SPESP1: variants seen among roughly 807,000 people sequenced by gnomAD.
SPESP1 encodes equatorial segment protein.
A neutral mutation model predicts 3.1 loss-of-function variants in SPESP1; 1 was observed. That is an observed-to-expected ratio of 0.33 (90% CI 0.12 to 1.54). The LOEUF (loss-of-function observed/expected upper bound fraction) is 1.54, where lower values mean the gene tolerates loss of function less well. Ranked by LOEUF, SPESP1 falls within the 40% of genes most tolerant of loss-of-function variation. The pLI, the probability that SPESP1 is intolerant of heterozygous loss-of-function variation, is 0.38. For synonymous variants in SPESP1, 138 were observed against 150.7 expected, an observed-to-expected ratio of 0.92 and a Z score of 0.62; for missense variants, 398 against 410.1, an observed-to-expected ratio of 0.97 and a Z score of 0.26.
intron 1 of SPESP1, among the ~76,000 whole-genome samples, chr15:68,942,031 C>T: frequency 6.6e-6 from 1 of 152,130 alleles, no homozygotes; most frequent in East Asian, 1.9e-4. Context: ...ACCATGTTTC[C>T]CAGGCTGGTC....
Position 68,930,698 on chromosome 15 carries a change from G to A in SPESP1, c.45G>A (p.Ser15=). The stretch of plus-strand genomic sequence containing the variant: ...TAGTTGCGCTTTTGCTATGGCCTTC[G>A]TCTGTGCCGGCTTATCCGAGTGAGT... The part of the protein sequence containing the change: ...VLLVALLLWP[S]SVPAYPSITV... The change falls in exon 1 of 2, where the codon TCG becomes TCA. Residue 15 remains serine (S), a synonymous_variant. Transcript: ENST00000310673. The A allele has an allele frequency of 6.2e-7, 1 of 1,613,994 alleles. No individual in the cohort carries two copies. The highest frequency in any genetic ancestry group is 8.5e-7 in the Non-Finnish European group (1 of 1,179,882).
chr15:68,939,253 G>T (rs1388680819), intron 1 of SPESP1, among the ~76,000 whole-genome samples: 1 of 152,194 alleles, frequency 6.6e-6, no homozygotes, highest in Admixed American at 6.5e-5. Context: ...ACATTGCCAT[G>T]TTTGCTTTAA....
intron 1 of SPESP1, 57 bp from the exon 2 acceptor site, chr15:68,945,542 G>A: frequency 7.5e-7 from 1 of 1,338,210 alleles, no homozygotes. Context: ...GATTCTGTCA[G>A]TGTGTCATAT....
chr15:68,934,002 CTAAT>C (rs917702528), intron 1 of SPESP1, among the ~76,000 whole-genome samples: 2 of 151,902 alleles, frequency 1.3e-5, no homozygotes, highest in Admixed American at 6.6e-5. Flanking sequence ...GCAGTGCAAA[CTAAT>C]TAAAATTAAA....
intron 1 of SPESP1, among the ~76,000 whole-genome samples, chr15:68,940,528 T>C (rs1044789298): frequency 9.2e-5 from 14 of 152,354 alleles, no homozygotes; most frequent in African/African-American, 3.1e-4. Flanking sequence ...ATGTAACTTA[T>C]TGATATACCT....
Position 68,945,508 on chromosome 15 carries a change from A to T in SPESP1, c.65-91A>T. ...TTTATTTCAATTTTTAAGTGATAGC[A>T]TATGAAATAAATTTTGGTCAGTAGA... On this transcript the variant is annotated intron_variant, in intron 1 of 1. Transcript: ENST00000310673. 8 of 1,020,082 alleles carry T rather than the reference A, an allele frequency of 7.8e-6. No homozygotes were observed. In the South Asian group the frequency reaches 1.2e-4, roughly 15 times the overall value. The allele number at this position is 1,020,082 out of a possible 1,614,324, so 63.2% of individuals were successfully genotyped here.
intron 1 of SPESP1, among the ~76,000 whole-genome samples, chr15:68,933,636 A>G (rs1177891965): frequency 6.6e-6 from 1 of 152,020 alleles, no homozygotes; most frequent in Non-Finnish European, 1.5e-5. Flanking sequence ...AGGCGGGCAG[A>G]TCACCTGAGC....
chr15:68,931,667 T>G (rs903312018), intron 1 of SPESP1, among the ~76,000 whole-genome samples: 1 of 152,096 alleles, frequency 6.6e-6, no homozygotes, highest in Admixed American at 6.6e-5. Context: ...CAAGGAGCAA[T>G]TTTTGTCCCT....
At position 68,946,520 on chromosome 15, in the gene SPESP1, C is replaced by T. The variant is rs146327452; in HGVS notation, c.986C>T (p.Thr329Ile). The change falls in exon 2 of 2, where the codon ACA becomes ATA. Residue 329 changes from threonine to isoleucine, a missense_variant. Transcript: ENST00000310673. ...VPPEMREKAATVFNTLKNMCR... is the reference protein window; with the variant it reads ...VPPEMREKAAIVFNTLKNMCR... ...CCAGAGATGAGAGAAAAAGCTGCTA[C>T]AGTATTCAATACATTAAAAAATATG... 1.9e-6 allele frequency: 3 copies of T among 1,607,112 alleles called. No individual in the cohort carries two copies. Among genetic ancestry groups the T allele is most frequent in the East Asian group, 2.2e-5 (1 of 44,830 alleles).
intron 1 of SPESP1, chr15:68,939,884 A>G (rs1043341741): frequency 3.3e-5 from 5 of 152,226 alleles, no homozygotes; most frequent in African/African-American, 9.6e-5. Flanking sequence ...AGAAGAGGCA[A>G]GCTAAATGGT....
At position 68,941,167 on chromosome 15, in the gene SPESP1, C is replaced by T. The variant is rs74020558; in HGVS notation, c.65-4432C>T. On this transcript the variant is annotated intron_variant, in intron 1 of 1. Transcript: ENST00000310673. ...AACTTTATAATAAAATTTTCTAACT[C>T]CAGAAAAAAATTGACATTTTTAGAA... Among the ~76,000 whole-genome samples, 1,319 of 151,724 alleles carry T rather than the reference C, an allele frequency of 8.7e-3. 19 individuals carry two copies. The highest frequency in any genetic ancestry group is 0.03 in the African/African-American group (1,252 of 41,364).
intron 1 of SPESP1, 86 bp downstream of exon 1, chr15:68,930,803 C>A: frequency 6.3e-7 from 1 of 1,597,778 alleles, no homozygotes; most frequent in South Asian, 1.1e-5. Flanking sequence ...CTGGCCCTTC[C>A]TTCTCCCTGG....
chr15:68,946,741 A>G lies in SPESP1; in HGVS notation c.*154A>G, dbSNP rs1895980701. 4 of 976,718 alleles carry G rather than the reference A, an allele frequency of 4.1e-6. No individual in the cohort carries two copies. Among genetic ancestry groups the G allele is most frequent in the Non-Finnish European group, 5.4e-6 (4 of 745,264 alleles). 60.5% of individuals were successfully genotyped at this position (976,718 alleles called of 1,614,324 possible). A position where few individuals can be genotyped will look rare whatever the true frequency, so the allele number is the denominator to read the frequency against. On this transcript the variant is annotated 3_prime_UTR_variant, in exon 2 of 2. Transcript: ENST00000310673. The stretch of plus-strand genomic sequence containing the variant: ...GTAGTTCAAATGTGCCAACATCTTT[A>G]TGTGTCATGTGTTATGAACAATTTT...
At chr15:68,944,719 C>A (rs1895915119) in intron 1 of SPESP1, among the ~76,000 whole-genome samples, 1 of 152,082 alleles carries the variant, frequency 6.6e-6, no homozygotes, top group Non-Finnish European at 1.5e-5. Context: ...GTGTTGCAGG[C>A]AAAAGCACCT....
chr15:68,931,016 T>C (rs1302450063), intron 1 of SPESP1, among the ~76,000 whole-genome samples: 4 of 152,142 alleles, frequency 2.6e-5, no homozygotes, highest in East Asian at 3.9e-4. Flanking sequence ...TCCCCAGCCA[T>C]TGGGCGTGTG....
chr15:68,941,085 A>T (rs971653322), intron 1 of SPESP1, among the ~76,000 whole-genome samples: 4 of 151,996 alleles, frequency 2.6e-5, no homozygotes, highest in Non-Finnish European at 1.5e-5. Context: ...TTTGATTTTA[A>T]TATCTGATAA....
At chr15:68,944,709 G>A (rs1324616433) in intron 1 of SPESP1, among the ~76,000 whole-genome samples, 3 of 152,106 alleles carry the variant, frequency 2.0e-5, no homozygotes, top group East Asian at 3.8e-4. Context: ...AATTACTCTA[G>A]TGTTGCAGGC....
intron 1 of SPESP1, 78 bp from the exon 2 acceptor site, chr15:68,945,521 T>A: frequency 8.6e-7 from 1 of 1,158,000 alleles, no homozygotes. Context: ...TGAAATAAAT[T>A]TTGGTCAGTA....
Position 68,946,216 on chromosome 15 carries a change from A to G in SPESP1, c.682A>G (p.Lys228Glu). The change falls in exon 2 of 2, where the codon AAA (lysine) becomes GAA (glutamate). Residue 228 changes from lysine (K) to glutamate (E), a missense_variant. Physicochemically the swap from Lys to Glu is moderately conservative, Grantham distance 56. Transcript: ENST00000310673. Reference sequence around the variant, plus strand: ...GAGTTGGAATAATGATGACATTTTGAAAAAAATTTTAGATATTAATTCACA... The same window carrying G: ...GAGTTGGAATAATGATGACATTTTGGAAAAAATTTTAGATATTAATTCACA... ...PESWNNDDIL[K>E]KILDINSQVQ... 6.2e-7 allele frequency: 1 copy of G among 1,614,164 alleles called. No individual in the cohort carries two copies. Among genetic ancestry groups the G allele is most frequent in the Non-Finnish European group, 8.5e-7 (1 of 1,180,032 alleles).
Sources: gnomAD v4.1 joint callset for allele counts (sites outside exome capture counted in the v4.1 genomes callset) on GRCh38, gnomAD v4.1.1 for gene constraint, MANE v1.5 for transcripts, NCBI Gene and HGNC (gene_info 2026-07-23, HGNC 2026-07-21) for gene names.